FGD1: variants seen among roughly 807,000 people sequenced by gnomAD.
FGD1 encodes the protein FYVE, RhoGEF and PH domain-containing protein 1.
In FGD1, 12 loss-of-function variants were observed where a neutral mutation model predicts 65.0. The ratio of observed to expected loss-of-function variants is 0.18; its 90% CI spans 0.12 to 0.30. The LOEUF (loss-of-function observed/expected upper bound fraction) is 0.30, where lower values mean the gene tolerates loss of function less well. Ranked by LOEUF, FGD1 falls within the 10% of genes least tolerant of loss-of-function variation. The probability of loss-of-function intolerance (pLI) is 1.00; values close to 1 mark genes in which losing one functional copy is unlikely to be tolerated. For missense variants in FGD1, 542 were observed against 837.6 expected, an observed-to-expected ratio of 0.65 and a Z score of 4.36; for synonymous variants, 333 against 343.9, an observed-to-expected ratio of 0.97 and a Z score of 0.35.
chrX:54,467,499 C>T (rs925601200), intron 6 of FGD1, among the ~76,000 whole-genome samples: 12 of 110,052 alleles, frequency 1.1e-4, no homozygotes, highest in African/African-American at 3.0e-4. Flanking sequence ...GGACTACAGG[C>T]GCGTGCCATC....
chrX:54,482,116 C>T (rs1201261533), intron 1 of FGD1, among the ~76,000 whole-genome samples: 3 of 111,920 alleles, frequency 2.7e-5, no homozygotes, highest in East Asian at 5.6e-4. Flanking sequence ...GACCCAGAGA[C>T]ACACATGGAT....
At chrX:54,466,780 T>C (rs530376785) in intron 6 of FGD1, among the ~76,000 whole-genome samples, 4 of 108,615 alleles carry the variant, frequency 3.7e-5, no homozygotes, top group Admixed American at 9.9e-5. Context: ...GAGAGAGTCT[T>C]GCTCTGTTGC....
intron 1 of FGD1, among the ~76,000 whole-genome samples, chrX:54,482,895 G>A (rs1342411286): frequency 3.6e-5 from 4 of 111,984 alleles, no homozygotes; most frequent in South Asian, 3.8e-4. Context: ...AAAAAGGGCA[G>A]GCCAGGGCCA....
intron 5 of FGD1, among the ~76,000 whole-genome samples, 161 bp from the exon 6 acceptor site, chrX:54,468,093 T>C (rs754104535): frequency 3.9e-4 from 43 of 111,037 alleles, no homozygotes; most frequent in African/African-American, 1.3e-3. Flanking sequence ...ATTGGGGAGA[T>C]GGATTTCAGG....
intron 8 of FGD1, among the ~76,000 whole-genome samples, chrX:54,462,389 CTTTTTTTT>C (rs1158349272): frequency 3.8e-5 from 3 of 79,576 alleles, no homozygotes; most frequent in Non-Finnish European, 7.3e-5. Flanking sequence ...ACTTCCCATT[CTTTTTTTT>C]TTTTTTTTTT....
intron 1 of FGD1, among the ~76,000 whole-genome samples, chrX:54,472,845 C>T (rs991679406): frequency 1.8e-5 from 2 of 111,126 alleles, no homozygotes; most frequent in African/African-American, 6.6e-5. Context: ...TCAAGAGCTC[C>T]CGGAGGTACC....
At position 54,450,316 on chromosome X, in the gene FGD1, T is replaced by A; in HGVS notation, c.2016-15A>T. On this transcript the variant is annotated splice_polypyrimidine_tract_variant and intron_variant, in intron 12 of 17. Transcript: ENST00000375135. ...CCTCCTCAGTCCTTGGGGTGGGGAATAAAAAAGAAAGATGTTTGGTTAGGT... is the reference window on the plus strand; with the variant it reads ...CCTCCTCAGTCCTTGGGGTGGGGAAAAAAAAAGAAAGATGTTTGGTTAGGT... 1 of 1,207,723 alleles carries A rather than the reference T, an allele frequency of 8.3e-7. No homozygotes were observed. Among genetic ancestry groups the A allele is most frequent in the Non-Finnish European group, 1.1e-6 (1 of 892,466 alleles).
At chrX:54,466,228 G>C (rs1922755728) in intron 6 of FGD1, among the ~76,000 whole-genome samples, 1 of 111,953 alleles carries the variant, frequency 8.9e-6, no homozygotes, top group Non-Finnish European at 1.9e-5. Flanking sequence ...CATCTGGTAG[G>C]TGAGACAAAG....
intron 8 of FGD1, among the ~76,000 whole-genome samples, chrX:54,464,179 C>A (rs1340754431): frequency 4.3e-5 from 4 of 93,563 alleles, no homozygotes; most frequent in African/African-American, 1.7e-4. Context: ...GTTGCCCAGG[C>A]TGAAGTGTAG....
intron 6 of FGD1, among the ~76,000 whole-genome samples, chrX:54,467,380 G>C (rs1397107254): frequency 9.5e-6 from 1 of 105,066 alleles, no homozygotes; most frequent in Non-Finnish European, 1.9e-5. Context: ...TTTTAAGACA[G>C]AGTCTAGCTC....
intron 1 of FGD1, among the ~76,000 whole-genome samples, chrX:54,476,987 T>C (rs1923033711): frequency 8.9e-6 from 1 of 111,840 alleles, no homozygotes; most frequent in Non-Finnish European, 1.9e-5. Flanking sequence ...CCAAATCTGA[T>C]AACACTTTGT....
At chrX:54,469,064 C>G (rs1324874801) in intron 4 of FGD1, among the ~76,000 whole-genome samples, 188 bp from the exon 5 acceptor site, 1 of 111,113 alleles carries the variant, frequency 9.0e-6, no homozygotes, top group Non-Finnish European at 1.9e-5. Context: ...TACCATAAAG[C>G]CTACCCCTCC....
chrX:54,451,044 G>C (rs1215716571), intron 12 of FGD1, among the ~76,000 whole-genome samples: 1 of 108,570 alleles, frequency 9.2e-6, no homozygotes, highest in East Asian at 3.0e-4. Context: ...GTGAGACTCT[G>C]TCTCAAAAAG....
rs746125553 is a variant in FGD1 at position 54,495,689 on chromosome X, C to G, written c.-257G>C. Reference sequence around the variant, plus strand: ...TGCCAGGCATCGCCGGCCCCGGCCCCGGCCCCGCGCGGGGAGTGGGCTCGG... The same window carrying G: ...TGCCAGGCATCGCCGGCCCCGGCCCGGGCCCCGCGCGGGGAGTGGGCTCGG... On this transcript the variant is annotated 5_prime_UTR_variant, in exon 1 of 18. Transcript: ENST00000375135. The G allele has an allele frequency of 4.5e-4, 58 of 129,015 alleles. No homozygotes were observed. The highest frequency in any genetic ancestry group is 1.8e-3 in the African/African-American group (57 of 31,294). 10.6% of individuals were successfully genotyped at this position (129,015 alleles called of 1,213,427 possible).
At chrX:54,458,883 G>A (rs1922570382) in intron 8 of FGD1, among the ~76,000 whole-genome samples, 1 of 111,954 alleles carries the variant, frequency 8.9e-6, no homozygotes, top group Non-Finnish European at 1.9e-5. Flanking sequence ...CAGATGCTTT[G>A]GATAAATTAG....
chrX:54,449,391 C>G, intron 14 of FGD1, 123 bp from the exon 15 acceptor site: 2 of 872,055 alleles, frequency 2.3e-6, no homozygotes, highest in Non-Finnish European at 3.3e-6. Flanking sequence ...GTAGGGGGAG[C>G]AGCCACATTC....
chrX:54,459,563 T>C (rs1027562220), intron 8 of FGD1, among the ~76,000 whole-genome samples: 1 of 110,801 alleles, frequency 9.0e-6, no homozygotes, highest in Non-Finnish European at 1.9e-5. Context: ...GGCAAGTCAG[T>C]CTGGGGAACC....
At chrX:54,476,401 T>A (rs1284298604) in intron 1 of FGD1, among the ~76,000 whole-genome samples, 3 of 108,754 alleles carry the variant, frequency 2.8e-5, no homozygotes, top group African/African-American at 1.0e-4. Flanking sequence ...TTGCTTAGGG[T>A]TAAGTACAGT....
In FGD1 at chrX:54,477,879, G is replaced by A. The variant is rs556748687; in HGVS notation, c.308-6392C>T. 5.4e-5 allele frequency among the ~76,000 whole-genome samples: 6 copies of A among 111,204 alleles called. No homozygotes were observed. The South Asian group carries it at 2.3e-3, about 43-fold the overall frequency. ...TCATGCCTGTAATCCCAGCACTTTA[G>A]GAGGCCGAGGTGGGTAGATCATGAG... On this transcript the variant is annotated intron_variant, in intron 1 of 17. Coordinates refer to ENST00000375135, the MANE Select transcript of FGD1 (RefSeq NM_004463.3).
Sources: allele counts gnomAD v4.1 joint callset (sites outside exome capture counted in the v4.1 genomes callset), GRCh38; gene constraint gnomAD v4.1.1; transcripts MANE v1.5; gene names NCBI Gene and HGNC (gene_info 2026-07-23, HGNC 2026-07-21).